The following RABGAP1L variants were observed in gnomAD, a reference collection of about 807,000 sequenced individuals.
RABGAP1L encodes RAB GTPase activating protein 1 like, also known as rab GTPase-activating protein 1-like.
In RABGAP1L, 63 loss-of-function variants were observed where a neutral mutation model predicts 137.7. That is an observed-to-expected ratio of 0.46 (90% CI 0.37 to 0.56). RABGAP1L has a LOEUF of 0.56. Among genes scored for constraint, RABGAP1L ranks in the 20% least tolerant of loss-of-function variants. The pLI is 0.00. For synonymous variants in RABGAP1L, 431 were observed against 433.7 expected (o/e 0.99, Z 0.08); for missense variants, 1,095 against 1,244.0 (o/e 0.88, Z 1.80).
At chr1:174,733,045 G>A (rs1328157054) in intron 17 of RABGAP1L, among the ~76,000 whole-genome samples, 2 of 152,044 alleles carry the variant, frequency 1.3e-5, no homozygotes, top group Non-Finnish European at 2.9e-5. Context: ...GAGGTAGAGA[G>A]AGTTAAAATA....
chr1:174,298,672 C>T (rs1558110921), intron 10 of RABGAP1L, among the ~76,000 whole-genome samples: 1 of 152,188 alleles, frequency 6.6e-6, no homozygotes, highest in Non-Finnish European at 1.5e-5. Flanking sequence ...CCTCCTCCAA[C>T]AAGGGAGAGG....
intron 13 of RABGAP1L, among the ~76,000 whole-genome samples, chr1:174,436,340 C>G (rs145310936): frequency 6.6e-6 from 1 of 151,768 alleles, no homozygotes; most frequent in African/African-American, 2.4e-5. Context: ...TTTTAATGAT[C>G]GCCATTCTAA....
At chr1:174,781,712 A>C (rs573999115) in intron 18 of RABGAP1L, among the ~76,000 whole-genome samples, 2 of 152,306 alleles carry the variant, frequency 1.3e-5, no homozygotes, top group East Asian at 3.9e-4. Context: ...CTAATATTTA[A>C]GTCTTTAATC....
chr1:174,524,435 G>A (rs1025969908), intron 13 of RABGAP1L, among the ~76,000 whole-genome samples: 13 of 151,862 alleles, frequency 8.6e-5, no homozygotes, highest in Non-Finnish European at 1.2e-4. Context: ...ATACCTGTTC[G>A]TCATTTGTAT....
chr1:174,481,340 G>A (rs1245341837), intron 13 of RABGAP1L, among the ~76,000 whole-genome samples: 2 of 152,176 alleles, frequency 1.3e-5, no homozygotes, highest in East Asian at 3.9e-4. Context: ...AGCTCATGCT[G>A]CTTTCTGTTG....
chr1:174,959,826 TCAA>T (rs374346810), intron 20 of RABGAP1L, among the ~76,000 whole-genome samples: 2 of 152,338 alleles, frequency 1.3e-5, no homozygotes, highest in African/African-American at 4.8e-5. Context: ...TTTCTAACCA[TCAA>T]CATATTTGGT....
rs185106620 is a variant in RABGAP1L, at chr1:174,393,425, G to C, written c.1560-570G>C. On this transcript the variant is annotated intron_variant, in intron 12 of 25. Transcript: ENST00000681986. ...AGAGATAGGGCTTCCTGGAGGACCT[G>C]GGAGTCAGGATGTGGCCGCCAGGTA... 6.5e-3 allele frequency among the ~76,000 whole-genome samples: 985 copies of C among 152,290 alleles called. 13 individuals carry two copies. Among genetic ancestry groups the C allele is most frequent in the African/African-American group, 0.022 (924 of 41,556 alleles).
chr1:174,728,594 CTTTT>C (rs1294397296), intron 17 of RABGAP1L, among the ~76,000 whole-genome samples: 2 of 114,644 alleles, frequency 1.7e-5, no homozygotes, highest in African/African-American at 3.3e-5. Flanking sequence ...CTACCAGTGT[CTTTT>C]TTTTTTTTTT....
intron 13 of RABGAP1L, among the ~76,000 whole-genome samples, chr1:174,550,999 C>CATACATATATATATAT (rs1666476243): frequency 1.2e-5 from 1 of 86,372 alleles, no homozygotes; most frequent in African/African-American, 8.3e-5. Context: ...TATATATACA[C>CATACATATATATATAT]ATATATATAT....
At chr1:174,552,023 TA>T (rs1233321229) in intron 13 of RABGAP1L, among the ~76,000 whole-genome samples, 1 of 152,108 alleles carries the variant, frequency 6.6e-6, no homozygotes, top group Admixed American at 6.5e-5. Flanking sequence ...TTGAAGAAAT[TA>T]AAAGCTCCTG....
At chr1:174,599,833 T>A (rs1670277806) in intron 13 of RABGAP1L, among the ~76,000 whole-genome samples, 1 of 152,192 alleles carries the variant, frequency 6.6e-6, no homozygotes, top group Admixed American at 6.5e-5. Flanking sequence ...GCTTGGTGTT[T>A]TATAACCTTC....
At chr1:174,296,477 CAA>C (rs1313617941) in intron 10 of RABGAP1L, among the ~76,000 whole-genome samples, 1 of 152,200 alleles carries the variant, frequency 6.6e-6, no homozygotes, top group East Asian at 1.9e-4. Flanking sequence ...AATATGGACT[CAA>C]GTGTAAAAAC....
chr1:174,731,387 C>T (rs1365440528), intron 17 of RABGAP1L, among the ~76,000 whole-genome samples: 1 of 152,198 alleles, frequency 6.6e-6, no homozygotes, highest in East Asian at 1.9e-4. Context: ...ATCATCCTGT[C>T]TGGATACTTG....
Position 174,746,159 on chromosome 1 carries a change from C to T in RABGAP1L, c.2170-6154C>T, listed in dbSNP as rs192781566. Among the ~76,000 whole-genome samples, 3 of 152,310 alleles carry T rather than the reference C, an allele frequency of 2.0e-5. No homozygotes were observed. The East Asian group carries it at 5.8e-4, about 29-fold the overall frequency. On this transcript the variant is annotated intron_variant, in intron 17 of 25. Transcript: ENST00000681986. ...TTCAGTGTCTTTGTTTCAGTGAGTG[C>T]TCTACTGTCAGCTGTTATTTTATGC...
At chr1:174,626,432 T>G (rs1274799647) in intron 13 of RABGAP1L, among the ~76,000 whole-genome samples, 1 of 152,128 alleles carries the variant, frequency 6.6e-6, no homozygotes, top group Non-Finnish European at 1.5e-5. Flanking sequence ...ATACGCTTCG[T>G]CCTCTCCTCT....
chr1:174,601,773 C>A (rs11802092), intron 13 of RABGAP1L, among the ~76,000 whole-genome samples: 1 of 151,996 alleles, frequency 6.6e-6, no homozygotes, highest in African/African-American at 2.4e-5. Flanking sequence ...ACCCAAGTCA[C>A]GTTTTGAATG....
chr1:174,897,045 C>T (rs922623515), intron 19 of RABGAP1L: 5 of 152,190 alleles, frequency 3.3e-5, no homozygotes, highest in Non-Finnish European at 7.3e-5. Context: ...TGGCCATTTT[C>T]ATGATATTGA....
chr1:174,912,277 G>T (rs1307753409), intron 19 of RABGAP1L, among the ~76,000 whole-genome samples: 2 of 152,092 alleles, frequency 1.3e-5, no homozygotes, highest in African/African-American at 2.4e-5. Context: ...GAGTAGCTGG[G>T]ACTACCAGTG....
chr1:174,926,189 G>A (rs1271842337), intron 19 of RABGAP1L, among the ~76,000 whole-genome samples: 1 of 151,852 alleles, frequency 6.6e-6, no homozygotes, highest in African/African-American at 2.4e-5. Context: ...GTTTCAATTA[G>A]TAAAACTTAT....
Sources: gnomAD v4.1 joint callset for allele counts (sites outside exome capture counted in the v4.1 genomes callset) on GRCh38, gnomAD v4.1.1 for gene constraint, MANE v1.5 for transcripts, NCBI Gene and HGNC (gene_info 2026-07-23, HGNC 2026-07-21) for gene names.